SHISAL2A: variants seen among roughly 807,000 people sequenced by gnomAD.
SHISAL2A encodes the protein shisa like 2A.
A neutral mutation model predicts 11.5 loss-of-function variants in SHISAL2A; 18 were observed. The observed-to-expected ratio is 1.57, with a 90% confidence interval of 1.08 to 2.33. SHISAL2A has a LOEUF of 2.33. SHISAL2A is among the 30% of genes most tolerant of loss of function. The probability of loss-of-function intolerance (pLI) is 0.00; values close to 1 mark genes in which losing one functional copy is unlikely to be tolerated. For missense variants in SHISAL2A, 261 were observed against 250.9 expected (o/e 1.04, Z -0.27); for synonymous variants, 94 against 99.6 (o/e 0.94, Z 0.34).
chr1:52,645,812 A>G (rs1341659019), intron 2 of SHISAL2A, among the ~76,000 whole-genome samples: 1 of 152,266 alleles, frequency 6.6e-6, no homozygotes, highest in East Asian at 1.9e-4. Flanking sequence ...TAGAAATGCC[A>G]GTTCTTCCTA....
intron 1 of SHISAL2A, chr1:52,640,054 T>G (rs1312454246): frequency 6.6e-6 from 1 of 152,198 alleles, no homozygotes; most frequent in African/African-American, 2.4e-5. Flanking sequence ...CATCCCAAAG[T>G]GCTGAGATTA....
chr1:52,655,489 G>A (rs903897330), intron 2 of SHISAL2A, among the ~76,000 whole-genome samples: 1 of 149,324 alleles, frequency 6.7e-6, no homozygotes, highest in Non-Finnish European at 1.5e-5. Context: ...AGGTGGATGT[G>A]GTGGTGCACA....
chr1:52,653,741 C>T (rs61780596), intron 2 of SHISAL2A, among the ~76,000 whole-genome samples: 1,653 of 152,108 alleles, frequency 0.011, 23 homozygotes, highest in Middle Eastern at 0.02. Flanking sequence ...AAAATTGCAA[C>T]CCGCCCTTTT....
intron 2 of SHISAL2A, among the ~76,000 whole-genome samples, chr1:52,655,120 A>G (rs1691761559): frequency 1.3e-5 from 2 of 152,118 alleles, no homozygotes; most frequent in African/African-American, 4.8e-5. Flanking sequence ...CAGGAAATGG[A>G]GGTTGTGGTG....
At chr1:52,665,880 A>ATG (rs1692001223) in intron 4 of SHISAL2A, among the ~76,000 whole-genome samples, 1 of 152,162 alleles carries the variant, frequency 6.6e-6, no homozygotes, top group Non-Finnish European at 1.5e-5. Flanking sequence ...TCAGGTAGCC[A>ATG]TGTATTCCGA....
intron 2 of SHISAL2A, among the ~76,000 whole-genome samples, chr1:52,650,225 A>G (rs1271019163): frequency 6.6e-6 from 1 of 152,218 alleles, no homozygotes; most frequent in African/African-American, 2.4e-5. Context: ...TCCTCCAAGC[A>G]GGGGGAAAAC....
intron 4 of SHISAL2A, among the ~76,000 whole-genome samples, chr1:52,664,159 A>T (rs1354933771): frequency 6.6e-6 from 1 of 151,294 alleles, no homozygotes; most frequent in East Asian, 1.9e-4. Context: ...AGACCAGCCC[A>T]TTTTATTTAT....
downstream of SHISAL2A, chr1:52,659,583 G>A (rs886367629): frequency 6.5e-6 from 1 of 152,686 alleles, no homozygotes; most frequent in African/African-American, 2.4e-5. Flanking sequence ...GTTTCCAGGT[G>A]AGACAGGAAC....
chr1:52,640,752 G>T (rs532437622), intron 1 of SHISAL2A, among the ~76,000 whole-genome samples: 4 of 152,166 alleles, frequency 2.6e-5, no homozygotes, highest in African/African-American at 9.7e-5. Context: ...AGTTCCTGAC[G>T]CAGAGCTCCT....
chr1:52,654,258 T>TAGATAGATAGATAGAC (rs1305001656), intron 2 of SHISAL2A, among the ~76,000 whole-genome samples: 2,136 of 151,046 alleles, frequency 0.014, 57 homozygotes, highest in African/African-American at 0.048. Context: ...GATAGATAGA[T>TAGATAGATAGATAGAC]AGACAGATAG....
intron 2 of SHISAL2A, among the ~76,000 whole-genome samples, chr1:52,643,716 G>C (rs1034302181): frequency 1.3e-5 from 2 of 152,158 alleles, no homozygotes; most frequent in African/African-American, 2.4e-5. Context: ...AGCCAGGCAT[G>C]GTGGCAGGCG....
rs752097440 is a variant in SHISAL2A at position 52,642,870 on chromosome 1, G to A, written c.190G>A (p.Ala64Thr). ...HSYMWWLSIG[A>T]LIGLSVAAVV... ...GTGGTCTTCTCTTCCCAGCATTGGC[G>A]CTCTCATAGGCCTGTCCGTAGCAGC... Residue 64 changes from alanine (A) to threonine (T), a missense_variant, in exon 2 of 3, where the codon GCT becomes ACT. Transcript: ENST00000517870. 2.1e-5 allele frequency: 34 copies of A among 1,612,862 alleles called. No individual in the cohort carries two copies. In the Admixed American group the frequency reaches 3.3e-4, roughly 16 times the overall value.
intron 1 of SHISAL2A, among the ~76,000 whole-genome samples, chr1:52,636,461 G>A (rs11205983): frequency 0.16 from 24,415 of 151,710 alleles, 3,769 homozygotes; most frequent in African/African-American, 0.35. Flanking sequence ...CTTTAAAATG[G>A]TGATAGAGAT....
chr1:52,633,107 G>A (rs542208689), upstream of SHISAL2A, among the ~76,000 whole-genome samples: 1 of 152,168 alleles, frequency 6.6e-6, no homozygotes. This position sits in a 1 kb window ranked among gnomAD's most constrained non-coding sequence, Gnocchi z 6.4. Flanking sequence ...CTGTCGTTGC[G>A]CACCCAGCGC....
At chr1:52,647,632 G>A (rs1387639416) in intron 2 of SHISAL2A, among the ~76,000 whole-genome samples, 1 of 151,996 alleles carries the variant, frequency 6.6e-6, no homozygotes, top group African/African-American at 2.4e-5. Context: ...GATCACTTGA[G>A]GTCAGAAGTT....
intron 4 of SHISAL2A, among the ~76,000 whole-genome samples, chr1:52,663,119 C>T (rs1323485290): frequency 1.3e-5 from 2 of 152,230 alleles, no homozygotes; most frequent in South Asian, 2.1e-4. Context: ...CAGCTCCCTG[C>T]GGTTCCACAC....
intron 4 of SHISAL2A, among the ~76,000 whole-genome samples, chr1:52,666,452 A>AAATT (rs895532906): frequency 7.9e-5 from 12 of 152,088 alleles, no homozygotes; most frequent in Non-Finnish European, 1.2e-4. Context: ...ATTCTGTCTC[A>AAATT]AATTAATTAA....
intron 2 of SHISAL2A, among the ~76,000 whole-genome samples, chr1:52,654,376 C>A (rs1691744051): frequency 6.6e-6 from 1 of 152,140 alleles, no homozygotes; most frequent in Non-Finnish European, 1.5e-5. Context: ...GGAAATCACA[C>A]TACTCAATTT....
At chr1:52,657,755 T>C (rs1691822479), downstream of SHISAL2A, among the ~76,000 whole-genome samples, 1 of 152,100 alleles carries the variant, frequency 6.6e-6, no homozygotes, top group African/African-American at 2.4e-5. Flanking sequence ...CTTGGGAGGC[T>C]GAAGCAGGAG....
Sources: allele counts gnomAD v4.1 joint callset (sites outside exome capture counted in the v4.1 genomes callset), GRCh38; gene constraint gnomAD v4.1.1; non-coding constraint Gnocchi (gnomAD v3.1); transcripts MANE v1.5; gene names NCBI Gene and HGNC (gene_info 2026-07-23, HGNC 2026-07-21).